Variants in DNAJC3 observed in about 807,000 individuals in gnomAD.
DNAJC3 encodes the protein dnaJ homolog subfamily C member 3.
DNAJC3 carries 38 observed loss-of-function variants against 68.6 expected under a neutral mutation model. The observed-to-expected ratio is 0.55, with a 90% CI of 0.43 to 0.73. The LOEUF (loss-of-function observed/expected upper bound fraction) is 0.73. DNAJC3 is among the 30% of genes least tolerant of loss of function. The pLI is 0.00. For synonymous variants in DNAJC3, 203 were observed against 204.0 expected (o/e 1.00, Z 0.04); for missense variants, 526 against 591.9 (o/e 0.89, Z 1.16).
chr13:95,704,905 G>T (rs752204972), intron 1 of DNAJC3, among the ~76,000 whole-genome samples: 1 of 141,954 alleles, frequency 7.0e-6, no homozygotes, highest in Non-Finnish European at 1.5e-5. Context: ...AGGCTGGAGT[G>T]CAGTGGCATG....
At chr13:95,716,516 G>A (rs1232318568) in intron 2 of DNAJC3, among the ~76,000 whole-genome samples, 2 of 152,230 alleles carry the variant, frequency 1.3e-5, no homozygotes, top group African/African-American at 4.8e-5. Context: ...TTCTTGCTCG[G>A]TTGTACTGGA....
In DNAJC3 at chr13:95,792,909, C is replaced by G. The variant is rs145366186; in HGVS notation, c.*1879C>G. On this transcript the variant is annotated 3_prime_UTR_variant, in exon 12 of 12. Coordinates refer to ENST00000602402, the MANE Select transcript of DNAJC3 (RefSeq NM_006260.5). ...TTACCTACTTTGAAAAGAATTTTCA[C>G]ATAGAGTCAGAAAAAAAAGGAAATA... The G allele has an allele frequency of 9.2e-5, 14 of 152,234 alleles. 1 individual carries two copies. The highest frequency in any genetic ancestry group is 3.4e-4 in the African/African-American group (14 of 41,528). The allele number at this position is 152,234 out of a possible 1,614,324, so 9.4% of individuals were successfully genotyped here. A position where few individuals can be genotyped will look rare whatever the true frequency, so the allele number is the denominator to read the frequency against.
rs200556669 is a variant in DNAJC3 at position 95,677,315 on chromosome 13, C to T, written c.60C>T (p.Val20=). ...GCTCGGTATTCCCCTTCCTGCTAGT[C>T]CTGGTGGATCTGCAGTACGAAGGTG... ...RLGSVFPFLL[V]LVDLQYEGAE... is the part of the protein sequence containing the mutation. The change falls in exon 1 of 12, where the codon GTC becomes GTT. Residue 20 remains valine, a synonymous_variant. Transcript: ENST00000602402. The T allele has an allele frequency of 1.8e-5, 28 of 1,599,420 alleles. No homozygotes were observed. The Middle Eastern group carries it at 8.3e-4, about 47-fold the overall frequency.
Position 95,760,102 on chromosome 13 carries a change from A to G in DNAJC3, c.609A>G (p.Glu203=), listed in dbSNP as rs369330258. 1.2e-6 allele frequency: 2 copies of G among 1,612,316 alleles called. No homozygotes were observed. Among genetic ancestry groups the G allele is most frequent in the Admixed American group, 1.7e-5 (1 of 59,850 alleles). The change falls in exon 6 of 12, where the codon GAA becomes GAG. Residue 203 remains glutamate (E), a synonymous_variant. Coordinates refer to ENST00000602402, the MANE Select transcript of DNAJC3 (RefSeq NM_006260.5). ...CTGAATGTTTTATAAAAGAAGGAGA[A>G]CCTAGGAAAGCTATAAGTGACTTAA... ...LRAECFIKEG[E]PRKAISDLKA... is the part of the protein sequence containing the mutation.
chr13:95,692,182 C>A (rs1001205596), intron 1 of DNAJC3, among the ~76,000 whole-genome samples: 1 of 151,942 alleles, frequency 6.6e-6, no homozygotes, highest in Non-Finnish European at 1.5e-5. Flanking sequence ...TTGAAACTTT[C>A]CATGGCCAAG....
At chr13:95,765,652 A>G (rs1215189455) in intron 9 of DNAJC3, among the ~76,000 whole-genome samples, 2 of 149,256 alleles carry the variant, frequency 1.3e-5, no homozygotes, top group Non-Finnish European at 3.0e-5. Flanking sequence ...GCTCACTGCA[A>G]CCTCCACCTC....
chr13:95,697,027 G>T (rs1211418757), intron 1 of DNAJC3, among the ~76,000 whole-genome samples: 1 of 152,132 alleles, frequency 6.6e-6, no homozygotes, highest in Admixed American at 6.6e-5. Flanking sequence ...TACCTTCAAG[G>T]TTAATATTGA....
intron 1 of DNAJC3, among the ~76,000 whole-genome samples, chr13:95,685,846 T>G (rs1880060765): frequency 6.6e-6 from 1 of 152,174 alleles, no homozygotes; most frequent in African/African-American, 2.4e-5. Flanking sequence ...GTAAGATGAT[T>G]GATATTTCAT....
intron 9 of DNAJC3, among the ~76,000 whole-genome samples, chr13:95,770,998 C>A (rs1322746728): frequency 2.6e-5 from 4 of 152,114 alleles, no homozygotes; most frequent in Admixed American, 2.6e-4. Context: ...AAGAATTTCA[C>A]AATGAACACC....
intron 1 of DNAJC3, among the ~76,000 whole-genome samples, chr13:95,684,901 A>G (rs2139598563): frequency 6.6e-6 from 1 of 152,378 alleles, no homozygotes; most frequent in South Asian, 2.1e-4. Context: ...TGGGAGCCTC[A>G]GCCTAGATTT....
chr13:95,715,736 C>T (rs1881120907), intron 2 of DNAJC3, among the ~76,000 whole-genome samples: 1 of 151,936 alleles, frequency 6.6e-6, no homozygotes. Context: ...TCCACCCCCC[C>T]TTGGCCTCCA....
intron 1 of DNAJC3, among the ~76,000 whole-genome samples, chr13:95,689,127 C>G (rs1593951742): frequency 7.3e-6 from 1 of 136,698 alleles, no homozygotes; most frequent in African/African-American, 2.8e-5. Context: ...AATCCTTCCT[C>G]TTTGATTTTT....
At chr13:95,758,142 C>T (rs1304527853) in intron 5 of DNAJC3, among the ~76,000 whole-genome samples, 3 of 151,830 alleles carry the variant, frequency 2.0e-5, no homozygotes, top group South Asian at 2.1e-4. Context: ...AAATGATGTT[C>T]GGGAGGAAAG....
intron 4 of DNAJC3, among the ~76,000 whole-genome samples, chr13:95,749,680 G>A (rs974534681): frequency 6.6e-6 from 1 of 152,044 alleles, no homozygotes; most frequent in African/African-American, 2.4e-5. Context: ...GTAGCTGCCT[G>A]CCTGATATTG....
chr13:95,766,572 G>A (rs1255397999), intron 9 of DNAJC3, among the ~76,000 whole-genome samples: 1 of 152,180 alleles, frequency 6.6e-6, no homozygotes, highest in African/African-American at 2.4e-5. Context: ...CAGTCCTGGT[G>A]CTTGTGCTGG....
At chr13:95,698,067 CTTG>C (rs1327341939) in intron 1 of DNAJC3, among the ~76,000 whole-genome samples, 5 of 151,100 alleles carry the variant, frequency 3.3e-5, no homozygotes, top group African/African-American at 4.9e-5. Flanking sequence ...GAAACTGACA[CTTG>C]TTGTTGTTTG....
Position 95,744,386 on chromosome 13 carries a change from G to A in DNAJC3, c.394-13258G>A, listed in dbSNP as rs953515569. Among the ~76,000 whole-genome samples the A allele has an allele frequency of 9.9e-5, 15 of 152,262 alleles. 2 individuals are homozygous for A. Among genetic ancestry groups the A allele is most frequent in the African/African-American group, 3.6e-4 (15 of 41,554 alleles). On this transcript the variant is annotated intron_variant, in intron 4 of 11. Transcript: ENST00000602402. ...ACCAAGTTAAATTTCAAAACTACAA[G>A]TCATTTTTAAAAGTTATATTAAAAC... is the stretch of plus-strand genomic sequence containing the variant.
chr13:95,708,424 AC>A (rs1593967091), intron 1 of DNAJC3, among the ~76,000 whole-genome samples: 1 of 152,056 alleles, frequency 6.6e-6, no homozygotes, highest in East Asian at 1.9e-4. Context: ...TACTTCTTTG[AC>A]CTCATACTAC....
chr13:95,686,163 G>C (rs531988808), intron 1 of DNAJC3, among the ~76,000 whole-genome samples: 3 of 152,072 alleles, frequency 2.0e-5, no homozygotes, highest in African/African-American at 7.2e-5. Context: ...GGGTTTCACT[G>C]TGCTAGCCAG....
Sources: allele counts gnomAD v4.1 joint callset (sites outside exome capture counted in the v4.1 genomes callset), GRCh38; gene constraint gnomAD v4.1.1; transcripts MANE v1.5; gene names NCBI Gene and HGNC (gene_info 2026-07-23, HGNC 2026-07-21).